GNG7: variants seen among roughly 807,000 people sequenced by gnomAD.
GNG7 encodes guanine nucleotide-binding protein G(I)/G(S)/G(O) subunit gamma-7.
GNG7 carries 1 observed loss-of-function variant against 4.0 expected under a neutral mutation model. That is an observed-to-expected ratio of 0.25 (90% confidence interval 0.09 to 1.18). The LOEUF (loss-of-function observed/expected upper bound fraction) is 1.18, where lower values mean the gene tolerates loss of function less well. Among genes scored for constraint, GNG7 ranks in the 50% most tolerant of loss-of-function variants. GNG7 has a pLI of 0.50. For missense variants in GNG7, 86 were observed against 91.9 expected, an observed-to-expected ratio of 0.94 and a Z score of 0.26; for synonymous variants, 34 against 36.9, an observed-to-expected ratio of 0.92 and a Z score of 0.29.
intron 2 of GNG7, among the ~76,000 whole-genome samples, chr19:2,573,987 G>A (rs568354699): frequency 2.0e-5 from 3 of 152,346 alleles, no homozygotes; most frequent in East Asian, 1.9e-4. Flanking sequence ...CAGCTGCTGC[G>A]AGGTACGGCC....
intron 3 of GNG7, among the ~76,000 whole-genome samples, chr19:2,528,114 C>CAA (rs56751474): frequency 1.3e-5 from 2 of 150,744 alleles, no homozygotes; most frequent in African/African-American, 4.9e-5. Context: ...GCTAAAAATA[C>CAA]AAAAAAATGA....
At chr19:2,603,466 G>T (rs1031344002) in intron 2 of GNG7, among the ~76,000 whole-genome samples, 15 of 152,362 alleles carry the variant, frequency 9.8e-5, no homozygotes, top group African/African-American at 3.4e-4. Context: ...ACCGGCATCC[G>T]GTGAGACCGC....
intron 3 of GNG7, among the ~76,000 whole-genome samples, chr19:2,552,460 C>G (rs1979361851): frequency 6.6e-6 from 1 of 152,092 alleles, no homozygotes; most frequent in Non-Finnish European, 1.5e-5. Flanking sequence ...TCTCGGCTCA[C>G]TACAACCTCC....
At chr19:2,629,558 A>G (rs1376231338) in intron 2 of GNG7, among the ~76,000 whole-genome samples, 1 of 152,146 alleles carries the variant, frequency 6.6e-6, no homozygotes, top group African/African-American at 2.4e-5. Flanking sequence ...CCCACGACAA[A>G]GCCCACCAGA....
intron 1 of GNG7, among the ~76,000 whole-genome samples, chr19:2,687,662 C>A (rs1983905434): frequency 6.6e-6 from 1 of 151,628 alleles, no homozygotes; most frequent in South Asian, 2.1e-4. Flanking sequence ...CAGGAGTAAG[C>A]CACCAGCCTG....
intron 2 of GNG7, among the ~76,000 whole-genome samples, chr19:2,580,143 C>A (rs4335872): frequency 0.15 from 22,525 of 152,042 alleles, 1,862 homozygotes; most frequent in Non-Finnish European, 0.19. Flanking sequence ...GGCCCATACA[C>A]GCAGCTGAGT....
chr19:2,696,151 C>T lies in GNG7; in HGVS notation c.-135+6495G>A, dbSNP rs147930647. Among the ~76,000 whole-genome samples the T allele has an allele frequency of 6.8e-4, 92 of 135,678 alleles. No homozygotes were observed. In the East Asian group the frequency reaches 0.016, roughly 24 times the overall value. 89.0% of individuals were successfully genotyped at this position (135,678 alleles called of 152,430 possible). ...CAGCCCGGGAGACAGAGCAAGACTC[C>T]GTCAAAAAAAAAGAAAAGAGAGAAA... On this transcript the variant is annotated intron_variant, in intron 1 of 4. Transcript: ENST00000382159.
rs180982725 is a variant in GNG7 at position 2,582,194 on chromosome 19, A to G, written c.-77-27006T>C. 3.1e-4 allele frequency among the ~76,000 whole-genome samples: 47 copies of G among 152,358 alleles called. No homozygotes were observed. In the South Asian group the frequency reaches 3.5e-3, roughly 11 times the overall value. On this transcript the variant is annotated intron_variant, in intron 2 of 4. Coordinates refer to ENST00000382159, the MANE Select transcript of GNG7 (RefSeq NM_052847.3). The stretch of plus-strand genomic sequence containing the variant: ...AAAGGATGAAATTTGAATCAGCCCT[A>G]TACTTAATATTGCAGCAAGGTTGAT...
intron 2 of GNG7, among the ~76,000 whole-genome samples, chr19:2,562,749 A>G (rs1979782461): frequency 6.6e-6 from 1 of 152,102 alleles, no homozygotes; most frequent in Non-Finnish European, 1.5e-5. Context: ...GACCCCCAAG[A>G]GACTCTGCGT....
In GNG7 at chr19:2,693,293, G is replaced by A. The variant is rs114213723; in HGVS notation, c.-135+9353C>T. ...TAGCTGGGCATAGTGATCTCTGCCT[G>A]TATTCCCAGCTACTCAGGAGGTCGA... On this transcript the variant is annotated intron_variant, in intron 1 of 4. Coordinates refer to ENST00000382159, the MANE Select transcript of GNG7 (RefSeq NM_052847.3). Among the ~76,000 whole-genome samples, 1,227 of 151,520 alleles carry A rather than the reference G, an allele frequency of 8.1e-3. 31 individuals carry two copies. Among genetic ancestry groups the A allele is most frequent in the African/African-American group, 0.028 (1,154 of 41,236 alleles).
intron 3 of GNG7, among the ~76,000 whole-genome samples, chr19:2,545,127 A>G (rs1038698223): frequency 7.9e-5 from 12 of 151,450 alleles, no homozygotes; most frequent in African/African-American, 2.9e-4. Flanking sequence ...GGAATCCCCT[A>G]TCCCTGGGGG....
At chr19:2,612,510 C>A (rs568545598) in intron 2 of GNG7, among the ~76,000 whole-genome samples, 19 of 152,072 alleles carry the variant, frequency 1.2e-4, no homozygotes, top group Non-Finnish European at 2.5e-4. Flanking sequence ...AGCCAGGACC[C>A]CCCCCAGGCA....
chr19:2,697,995 G>A (rs990549106), intron 1 of GNG7, among the ~76,000 whole-genome samples: 1 of 151,782 alleles, frequency 6.6e-6, no homozygotes, highest in East Asian at 1.9e-4. Context: ...GGCCGGGTGC[G>A]GGGGCTCATG....
intron 2 of GNG7, among the ~76,000 whole-genome samples, chr19:2,569,034 A>G (rs980142385): frequency 6.1e-5 from 9 of 147,232 alleles, no homozygotes; most frequent in African/African-American, 2.1e-4. Flanking sequence ...TATACACAAA[A>G]GCACAAACAT....
chr19:2,568,648 A>AT (rs1980034488), intron 2 of GNG7, among the ~76,000 whole-genome samples: 1 of 122,664 alleles, frequency 8.2e-6, no homozygotes, highest in Admixed American at 9.7e-5. Flanking sequence ...CATATACACA[A>AT]ATACACATAT....
chr19:2,536,064 G>T (rs1333324466), intron 3 of GNG7, among the ~76,000 whole-genome samples: 5 of 152,102 alleles, frequency 3.3e-5, no homozygotes, highest in Non-Finnish European at 5.9e-5. Context: ...GTTGGAGGCT[G>T]CGGTGAGTTG....
intron 1 of GNG7, among the ~76,000 whole-genome samples, chr19:2,661,296 A>G (rs199989768): frequency 5.1e-5 from 3 of 58,592 alleles, no homozygotes; most frequent in East Asian, 5.4e-4. Flanking sequence ...GAAAGAAAGA[A>G]AGAAAGAGAA....
intron 2 of GNG7, among the ~76,000 whole-genome samples, chr19:2,589,808 C>A (rs1980786479): frequency 6.6e-6 from 1 of 152,080 alleles, no homozygotes; most frequent in Non-Finnish European, 1.5e-5. Context: ...GTGTGTGATC[C>A]CATTGACATG....
intron 2 of GNG7, among the ~76,000 whole-genome samples, chr19:2,562,753 T>C (rs1436862686): frequency 1.3e-5 from 2 of 152,094 alleles, no homozygotes; most frequent in Admixed American, 6.6e-5. Context: ...CCCAAGAGAC[T>C]CTGCGTCCAT....
Sources: gnomAD v4.1 joint callset for allele counts (sites outside exome capture counted in the v4.1 genomes callset) on GRCh38, gnomAD v4.1.1 for gene constraint, MANE v1.5 for transcripts, NCBI Gene and HGNC (gene_info 2026-07-23, HGNC 2026-07-21) for gene names.